AK9: variants seen among roughly 807,000 people sequenced by gnomAD.
AK9 encodes adenylate kinase domain containing 1.
In AK9, 191 loss-of-function variants were observed where a neutral mutation model predicts 239.6. The observed-to-expected ratio is 0.80, with a 90% CI of 0.71 to 0.90. The LOEUF is 0.90. Ranked by LOEUF, AK9 falls within the 40% of genes least tolerant of loss-of-function variation. The pLI, the probability that AK9 is intolerant of heterozygous loss-of-function variation, is 0.00. For synonymous variants in AK9, 689 were observed against 721.0 expected (o/e 0.96, Z 0.71); for missense variants, 1,995 against 2,214.7 (o/e 0.90, Z 1.99).
intron 35 of AK9, among the ~76,000 whole-genome samples, chr6:109,502,287 G>A (rs1777676006): frequency 6.6e-6 from 1 of 152,176 alleles, no homozygotes; most frequent in Non-Finnish European, 1.5e-5. Context: ...CAGTACCCAT[G>A]AATATGACCT....
In AK9 at chr6:109,497,919, T is replaced by C; in HGVS notation, c.5093A>G (p.His1698Arg). Residue 1698 changes from histidine to arginine, a missense_variant, in exon 37 of 41, where the codon CAT (histidine) becomes CGT (arginine). By Grantham distance (29) the His-to-Arg change is conservative (BLOSUM62 0). Transcript: ENST00000424296. ...PELYVPPLAP[H>R]PLPSADMIPK... is the part of the protein sequence containing the mutation. ...GATCATGTCAGCAGATGGGAGTGGA[T>C]GAGGTGCTAAGGGAGGCACGTACAA... is the stretch of plus-strand genomic sequence containing the variant. The C allele has an allele frequency of 6.2e-7, 1 of 1,614,104 alleles. No homozygotes were observed. Among genetic ancestry groups the C allele is most frequent in the Non-Finnish European group, 8.5e-7 (1 of 1,179,974 alleles).
intron 27 of AK9, among the ~76,000 whole-genome samples, chr6:109,539,100 G>A (rs554392176): frequency 9.2e-5 from 14 of 152,032 alleles, no homozygotes; most frequent in Non-Finnish European, 1.0e-4. Flanking sequence ...TGCTCTTCTC[G>A]AGGAGTATCT....
At chr6:109,650,357 A>G (rs1465740682) in intron 8 of AK9, among the ~76,000 whole-genome samples, 1 of 152,200 alleles carries the variant, frequency 6.6e-6, no homozygotes, top group African/African-American at 2.4e-5. Context: ...GCCAATATCC[A>G]GAATCTACAA....
chr6:109,662,873 T>C (rs1800617714), intron 5 of AK9, among the ~76,000 whole-genome samples: 1 of 152,026 alleles, frequency 6.6e-6, no homozygotes, highest in Admixed American at 6.6e-5. Context: ...AAGAAATCAC[T>C]GGACTAGAAG....
At chr6:109,595,686 T>C (rs1259237265) in intron 17 of AK9, among the ~76,000 whole-genome samples, 1 of 152,068 alleles carries the variant, frequency 6.6e-6, no homozygotes, top group Non-Finnish European at 1.5e-5. Flanking sequence ...AAAGGATGAG[T>C]TCATGTCCTT....
chr6:109,616,637 A>T (rs557500469), intron 13 of AK9, among the ~76,000 whole-genome samples: 42 of 152,182 alleles, frequency 2.8e-4, no homozygotes, highest in African/African-American at 9.6e-4. Flanking sequence ...TTGGCTTCGC[A>T]GAGCATTGGG....
chr6:109,552,264 TC>T (rs1201232448), intron 24 of AK9, among the ~76,000 whole-genome samples: 1 of 152,176 alleles, frequency 6.6e-6, no homozygotes, highest in Non-Finnish European at 1.5e-5. Context: ...TGGTTCTAGA[TC>T]CTTGAGGAAT....
At chr6:109,608,298 A>C (rs1169895957) in intron 17 of AK9, among the ~76,000 whole-genome samples, 2 of 151,000 alleles carry the variant, frequency 1.3e-5, no homozygotes, top group African/African-American at 2.4e-5. Flanking sequence ...AAAAAAAAAA[A>C]CTACAGTCGT....
intron 5 of AK9, among the ~76,000 whole-genome samples, chr6:109,664,429 T>TA (rs1415973273): frequency 6.6e-6 from 1 of 152,066 alleles, no homozygotes; most frequent in Non-Finnish European, 1.5e-5. Context: ...TATTTTTATT[T>TA]ATTTATTTAT....
chr6:109,670,256 T>C (rs1372633921), intron 5 of AK9, among the ~76,000 whole-genome samples: 4 of 152,230 alleles, frequency 2.6e-5, no homozygotes, highest in African/African-American at 9.6e-5. Context: ...ATCTAGTAGA[T>C]GATATCAAGG....
chr6:109,563,980 C>A, intron 23 of AK9, 100 bp downstream of exon 23: 1 of 1,227,662 alleles, frequency 8.1e-7, no homozygotes, highest in Non-Finnish European at 1.1e-6. Context: ...ATATACTGAA[C>A]ATTTACTTCA....
At chr6:109,580,814 C>A (rs1219184283) in intron 19 of AK9, among the ~76,000 whole-genome samples, 2 of 152,178 alleles carry the variant, frequency 1.3e-5, no homozygotes, top group East Asian at 3.8e-4. Flanking sequence ...GAACTCCTTT[C>A]CCATTTTGTC....
At chr6:109,540,419 C>T (rs1432470828) in intron 27 of AK9, among the ~76,000 whole-genome samples, 1 of 152,188 alleles carries the variant, frequency 6.6e-6, no homozygotes, top group Non-Finnish European at 1.5e-5. Context: ...AGGATACAAT[C>T]TCCTGGTGTG....
chr6:109,525,505 A>C (rs1165407351), intron 29 of AK9, among the ~76,000 whole-genome samples: 1 of 152,218 alleles, frequency 6.6e-6, no homozygotes, highest in Non-Finnish European at 1.5e-5. Flanking sequence ...GGCACAAGAC[A>C]TAAACAGACA....
chr6:109,527,062 C>T (rs577239332), intron 29 of AK9, among the ~76,000 whole-genome samples: 1 of 152,296 alleles, frequency 6.6e-6, no homozygotes, highest in South Asian at 2.1e-4. Flanking sequence ...CCCTCCCTTG[C>T]TTTCACCTCC....
At chr6:109,543,157 G>A (rs1783106005) in intron 26 of AK9, among the ~76,000 whole-genome samples, 1 of 152,084 alleles carries the variant, frequency 6.6e-6, no homozygotes, top group Admixed American at 6.5e-5. Context: ...TCTAAAGTAG[G>A]ATCACCCTTG....
intron 3 of AK9, among the ~76,000 whole-genome samples, chr6:109,673,728 C>T (rs1037847035): frequency 6.6e-6 from 1 of 151,916 alleles, no homozygotes; most frequent in Non-Finnish European, 1.5e-5. Context: ...TTCTAAATTA[C>T]GAATAGAGAA....
intron 12 of AK9, among the ~76,000 whole-genome samples, chr6:109,630,281 T>C (rs1795978337): frequency 6.6e-6 from 1 of 152,132 alleles, no homozygotes; most frequent in African/African-American, 2.4e-5. Context: ...GCTAAATAAA[T>C]GGCAAAATGT....
chr6:109,633,920 T>C (rs955120190), intron 10 of AK9, among the ~76,000 whole-genome samples: 1 of 152,154 alleles, frequency 6.6e-6, no homozygotes, highest in African/African-American at 2.4e-5. Context: ...TAATTCTCAG[T>C]TGGGAACATG....
Sources: allele counts gnomAD v4.1 joint callset (sites outside exome capture counted in the v4.1 genomes callset), GRCh38; gene constraint gnomAD v4.1.1; transcripts MANE v1.5; gene names NCBI Gene and HGNC (gene_info 2026-07-23, HGNC 2026-07-21).